ATRNL1: variants seen among roughly 807,000 people sequenced by gnomAD.
The protein encoded by ATRNL1 is attractin like 1.
In ATRNL1, 95 loss-of-function variants were observed where a neutral mutation model predicts 182.7. The ratio of observed to expected loss-of-function variants is 0.52; its 90% CI spans 0.44 to 0.62. The LOEUF is 0.62. Among genes scored for constraint, ATRNL1 ranks in the 20% least tolerant of loss-of-function variants. The pLI is 0.00. For missense variants in ATRNL1, 1,471 were observed against 1,679.5 expected (o/e 0.88, Z 2.17); for synonymous variants, 576 against 568.3 (o/e 1.01, Z -0.19).
intron 25 of ATRNL1, among the ~76,000 whole-genome samples, chr10:115,547,867 A>C (rs1852757744): frequency 6.6e-6 from 1 of 152,212 alleles, no homozygotes; most frequent in African/African-American, 2.4e-5. Context: ...GTCCCCTAAA[A>C]TATTGAATAT....
intron 3 of ATRNL1, among the ~76,000 whole-genome samples, chr10:115,125,411 G>A (rs1358357810): frequency 6.6e-6 from 1 of 151,852 alleles, no homozygotes; most frequent in Non-Finnish European, 1.5e-5. Context: ...TTGCTTGCTT[G>A]TACACCACAC....
At chr10:115,276,717 T>TA (rs1171449875) in intron 13 of ATRNL1, among the ~76,000 whole-genome samples, 1 of 152,194 alleles carries the variant, frequency 6.6e-6, no homozygotes, top group African/African-American at 2.4e-5. Flanking sequence ...GTCAGTATAT[T>TA]AGAGTGAAGA....
chr10:115,551,818 C>T (rs73373397), intron 26 of ATRNL1, among the ~76,000 whole-genome samples: 8,907 of 151,414 alleles, frequency 0.059, 812 homozygotes, highest in African/African-American at 0.2. Flanking sequence ...ATTGTCCCCC[C>T]TTATCCATAG....
intron 25 of ATRNL1, among the ~76,000 whole-genome samples, chr10:115,544,739 G>T (rs1449598443): frequency 4.6e-5 from 7 of 152,122 alleles, no homozygotes; most frequent in Non-Finnish European, 1.0e-4. Context: ...GGATAGCATG[G>T]AATACAGGAC....
At chr10:115,535,682 C>T (rs1425534382) in intron 25 of ATRNL1, among the ~76,000 whole-genome samples, 2 of 152,154 alleles carry the variant, frequency 1.3e-5, no homozygotes, top group African/African-American at 4.8e-5. Context: ...AGGGGAGGTG[C>T]TCTGGTTTTT....
At chr10:115,765,477 T>C (rs1555074797) in intron 27 of ATRNL1, among the ~76,000 whole-genome samples, 1 of 152,232 alleles carries the variant, frequency 6.6e-6, no homozygotes, top group Non-Finnish European at 1.5e-5. Context: ...AGGTGTCAGT[T>C]AACAGTCTTT....
At chr10:115,298,111 A>T (rs1853296329) in intron 15 of ATRNL1, among the ~76,000 whole-genome samples, 1 of 152,202 alleles carries the variant, frequency 6.6e-6, no homozygotes, top group South Asian at 2.1e-4. Flanking sequence ...CTGCAAGGTG[A>T]CATTCAATTA....
At chr10:115,316,866 C>T (rs551855558) in intron 18 of ATRNL1, among the ~76,000 whole-genome samples, 1 of 152,118 alleles carries the variant, frequency 6.6e-6, no homozygotes, top group South Asian at 2.1e-4. Flanking sequence ...TGTAGGTTGC[C>T]TGTTCATGCT....
At chr10:115,127,990 G>A (rs1382860318) in intron 4 of ATRNL1, among the ~76,000 whole-genome samples, 1 of 152,162 alleles carries the variant, frequency 6.6e-6, no homozygotes, top group Non-Finnish European at 1.5e-5. Context: ...AAGTACTAGT[G>A]TAGCTTTACT....
chr10:115,642,635 G>T (rs1565240950), intron 26 of ATRNL1, among the ~76,000 whole-genome samples: 1 of 152,078 alleles, frequency 6.6e-6, no homozygotes. Flanking sequence ...AGTAGAGACA[G>T]GGTTTCACCA....
intron 27 of ATRNL1, among the ~76,000 whole-genome samples, chr10:115,833,924 A>G (rs1304693109): frequency 1.3e-5 from 2 of 152,206 alleles, no homozygotes; most frequent in African/African-American, 2.4e-5. Flanking sequence ...GCTCTTCACC[A>G]TATGTGTTCA....
At chr10:115,686,646 C>T (rs1946227723) in intron 26 of ATRNL1, among the ~76,000 whole-genome samples, 1 of 151,982 alleles carries the variant, frequency 6.6e-6, no homozygotes, top group Non-Finnish European at 1.5e-5. Flanking sequence ...GATTTCAAGT[C>T]CGCTAACCAA....
chr10:115,562,891 T>C (rs1853841336), intron 26 of ATRNL1, among the ~76,000 whole-genome samples: 2 of 152,156 alleles, frequency 1.3e-5, no homozygotes, highest in South Asian at 4.1e-4. Context: ...TTCTAGAAAT[T>C]GACAAGTAGA....
At chr10:115,172,135 C>T (rs1847319141) in intron 8 of ATRNL1, among the ~76,000 whole-genome samples, 1 of 152,004 alleles carries the variant, frequency 6.6e-6, no homozygotes, top group Non-Finnish European at 1.5e-5. Flanking sequence ...GAAGACTCCC[C>T]TTCGAAATAC....
At chr10:115,202,646 G>T (rs1382473680) in intron 8 of ATRNL1, among the ~76,000 whole-genome samples, 6 of 147,194 alleles carry the variant, frequency 4.1e-5, no homozygotes, top group African/African-American at 1.5e-4. Context: ...GTATTTTATT[G>T]AGGATTTTTG....
At chr10:115,743,512 T>C (rs1460665133) in intron 27 of ATRNL1, among the ~76,000 whole-genome samples, 1 of 152,056 alleles carries the variant, frequency 6.6e-6, no homozygotes, top group Non-Finnish European at 1.5e-5. Flanking sequence ...CTTAAGGTGA[T>C]AAAAAGGATT....
chr10:115,179,107 G>GTT (rs779344550), intron 8 of ATRNL1, among the ~76,000 whole-genome samples: 10 of 151,948 alleles, frequency 6.6e-5, no homozygotes, highest in Non-Finnish European at 1.2e-4. Flanking sequence ...TCTTGACTTT[G>GTT]TTTTTAGTAT....
chr10:115,545,185 A>T lies in ATRNL1; in HGVS notation c.3717-4273A>T, dbSNP rs538315040. On this transcript the variant is annotated intron_variant, in intron 25 of 28. Coordinates refer to ENST00000355044, the MANE Select transcript of ATRNL1 (RefSeq NM_207303.4). Reference sequence around the variant, plus strand: ...GGGAGGCGGAGCTTGCACTGAGCCAAGATCACGCCACTGCACTCCAGCCTG... The same window carrying T: ...GGGAGGCGGAGCTTGCACTGAGCCATGATCACGCCACTGCACTCCAGCCTG... Among the ~76,000 whole-genome samples the T allele has an allele frequency of 1.0e-4, 15 of 150,240 alleles. No homozygotes were observed. In the Admixed American group the frequency reaches 1.0e-3, roughly 10 times the overall value.
At chr10:115,384,119 T>C (rs1174901149) in intron 19 of ATRNL1, among the ~76,000 whole-genome samples, 1 of 152,062 alleles carries the variant, frequency 6.6e-6, no homozygotes, top group Admixed American at 6.5e-5. Flanking sequence ...ATTAAAGCAC[T>C]AAAAGATGCA....
Sources: allele counts gnomAD v4.1 joint callset (sites outside exome capture counted in the v4.1 genomes callset), GRCh38; gene constraint gnomAD v4.1.1; transcripts MANE v1.5; gene names NCBI Gene and HGNC (gene_info 2026-07-23, HGNC 2026-07-21).